Variants in CHCHD6 observed in about 807,000 individuals in gnomAD.
CHCHD6 encodes the protein MICOS complex subunit MIC25.
Under a neutral mutation model 32.3 loss-of-function variants are expected in CHCHD6, and 28 were observed. The ratio of observed to expected loss-of-function variants is 0.87; its 90% CI spans 0.64 to 1.19. CHCHD6 has a LOEUF of 1.19. Among genes scored for constraint, CHCHD6 ranks in the 50% most tolerant of loss-of-function variants. CHCHD6 has a pLI of 0.00. For missense variants in CHCHD6, 333 were observed against 307.0 expected (o/e 1.08, Z -0.63); for synonymous variants, 122 against 117.5 (o/e 1.04, Z -0.25).
intron 5 of CHCHD6, among the ~76,000 whole-genome samples, chr3:126,860,616 A>C (rs1472743009): frequency 6.6e-6 from 1 of 152,238 alleles, no homozygotes; most frequent in Admixed American, 6.5e-5. Flanking sequence ...AAAGTTTTTC[A>C]CAAGGTTAGG....
intron 5 of CHCHD6, among the ~76,000 whole-genome samples, chr3:126,881,852 G>A (rs550203356): frequency 2.0e-5 from 3 of 152,346 alleles, no homozygotes; most frequent in Admixed American, 2.0e-4. Flanking sequence ...GGCATCTGAA[G>A]GTGGGGTCTC....
At chr3:126,742,093 G>T (rs1936311166) in intron 4 of CHCHD6, among the ~76,000 whole-genome samples, 1 of 152,200 alleles carries the variant, frequency 6.6e-6, no homozygotes, top group African/African-American at 2.4e-5. Context: ...GGCCATCTGG[G>T]TTCAGCGTTT....
chr3:126,766,048 C>T (rs1937358737), intron 4 of CHCHD6, among the ~76,000 whole-genome samples: 2 of 152,068 alleles, frequency 1.3e-5, no homozygotes, highest in Non-Finnish European at 2.9e-5. Flanking sequence ...GGCGATTCCT[C>T]TTCTATGTAG....
rs1024621562 is a variant in CHCHD6, at chr3:126,752,114, G to A, written c.411+18892G>A. Among the ~76,000 whole-genome samples the A allele has an allele frequency of 2.6e-5, 4 of 152,314 alleles. No homozygotes were observed. The East Asian group carries it at 5.8e-4, about 22-fold the overall frequency. On this transcript the variant is annotated intron_variant, in intron 4 of 7. Transcript: ENST00000290913. ...TTTGAAATTGGCATTCCTGTCCCAC[G>A]CATATCCTGTGCTTCACTGGGGACA... is the stretch of plus-strand genomic sequence containing the variant.
intron 4 of CHCHD6, among the ~76,000 whole-genome samples, chr3:126,787,884 G>A (rs1938303579): frequency 6.6e-6 from 1 of 152,144 alleles, no homozygotes. Flanking sequence ...TGGTGAGAGA[G>A]GGCATCCCTG....
In CHCHD6 at chr3:126,880,789, T is replaced by A. The variant is rs192387658; in HGVS notation, c.495+28059T>A. Among the ~76,000 whole-genome samples, 6 of 152,272 alleles carry A rather than the reference T, an allele frequency of 3.9e-5. No individual in the cohort carries two copies. In the South Asian group the frequency reaches 1.2e-3, roughly 32 times the overall value. ...AGGTAAAAACATCTCTTTTTTTTCA[T>A]GTTTTACTGGAAAATGTGTACTCAA... On this transcript the variant is annotated intron_variant, in intron 5 of 7. Coordinates refer to ENST00000290913, the MANE Select transcript of CHCHD6 (RefSeq NM_032343.3).
At chr3:126,934,693 C>T (rs566338443) in intron 6 of CHCHD6, among the ~76,000 whole-genome samples, 16 of 152,108 alleles carry the variant, frequency 1.1e-4, no homozygotes, top group Non-Finnish European at 1.5e-4. Flanking sequence ...GGACTACAGA[C>T]GCCTGCCACC....
At chr3:126,922,665 G>A (rs1205335562) in intron 6 of CHCHD6, among the ~76,000 whole-genome samples, 7 of 151,162 alleles carry the variant, frequency 4.6e-5, no homozygotes, top group African/African-American at 1.7e-4. Context: ...ACACATGCTT[G>A]TTTCCTAAGC....
At chr3:126,753,531 C>A (rs551851348) in intron 4 of CHCHD6, among the ~76,000 whole-genome samples, 2 of 152,310 alleles carry the variant, frequency 1.3e-5, no homozygotes, top group South Asian at 4.1e-4. Context: ...GACGGGGCCT[C>A]TGTAGAAGTG....
intron 6 of CHCHD6, among the ~76,000 whole-genome samples, chr3:126,936,186 C>A (rs9834167): frequency 6.6e-6 from 1 of 152,200 alleles, no homozygotes; most frequent in Non-Finnish European, 1.5e-5. Flanking sequence ...CCTCCTCCTG[C>A]GACTCCTTAG....
At chr3:126,867,992 T>C (rs1411702252) in intron 5 of CHCHD6, among the ~76,000 whole-genome samples, 1 of 152,232 alleles carries the variant, frequency 6.6e-6, no homozygotes, top group East Asian at 1.9e-4. Context: ...TGGGCCCTGC[T>C]TGTGGCTCCA....
At chr3:126,826,808 G>A (rs115142103) in intron 4 of CHCHD6, among the ~76,000 whole-genome samples, 2,745 of 152,188 alleles carry the variant, frequency 0.018, 31 homozygotes, top group Middle Eastern at 0.051. Flanking sequence ...GCATGACCCC[G>A]AGCTTCAACA....
intron 6 of CHCHD6, among the ~76,000 whole-genome samples, chr3:126,947,891 G>A (rs926826265): frequency 6.6e-6 from 1 of 152,178 alleles, no homozygotes; most frequent in Non-Finnish European, 1.5e-5. Context: ...TGTGGGTTAA[G>A]GTGAGTCAGT....
intron 5 of CHCHD6, among the ~76,000 whole-genome samples, chr3:126,910,500 T>C (rs2082310): frequency 1 from 151,543 of 152,242 alleles, 75,425 homozygotes; most frequent in Middle Eastern, 1. Context: ...CACTGCTGCC[T>C]GTGTTCAGGA....
chr3:126,893,755 A>G (rs139202254), intron 5 of CHCHD6, among the ~76,000 whole-genome samples: 79 of 152,346 alleles, frequency 5.2e-4, no homozygotes, highest in South Asian at 3.5e-3. Context: ...AGCAGAGTGC[A>G]GATGCATTGA....
intron 6 of CHCHD6, among the ~76,000 whole-genome samples, chr3:126,921,124 C>T (rs1289788974): frequency 1.3e-5 from 2 of 152,166 alleles, no homozygotes; most frequent in African/African-American, 2.4e-5. Context: ...TAAAGCCAGA[C>T]CCTGTTCGTT....
At chr3:126,905,358 G>A (rs1559914196) in intron 5 of CHCHD6, among the ~76,000 whole-genome samples, 1 of 152,198 alleles carries the variant, frequency 6.6e-6, no homozygotes, top group Non-Finnish European at 1.5e-5. Context: ...TGACCTTGTT[G>A]TTGGGTCTCA....
intron 1 of CHCHD6, among the ~76,000 whole-genome samples, chr3:126,722,431 A>G (rs1935350998): frequency 6.6e-6 from 1 of 152,194 alleles, no homozygotes; most frequent in South Asian, 2.1e-4. Context: ...CCAAAATGCT[A>G]AGATTACAGA....
intron 5 of CHCHD6, among the ~76,000 whole-genome samples, chr3:126,864,931 A>ACCTCCCCCTCCACCATCATCT (rs1942208309): frequency 1.0e-5 from 1 of 100,224 alleles, no homozygotes; most frequent in Admixed American, 9.4e-5. Context: ...CTCCACCATC[A>ACCTCCCCCTCCACCATCATCT]CCTCCTCCTC....
Sources: gnomAD v4.1 joint callset for allele counts (sites outside exome capture counted in the v4.1 genomes callset) on GRCh38, gnomAD v4.1.1 for gene constraint, MANE v1.5 for transcripts, NCBI Gene and HGNC (gene_info 2026-07-23, HGNC 2026-07-21) for gene names.